The following RIC3 variants were observed in gnomAD, a reference collection of about 807,000 sequenced individuals.
RIC3 encodes RIC3 acetylcholine receptor chaperone.
RIC3 carries 28 observed loss-of-function variants against 27.3 expected under a neutral mutation model. That is an observed-to-expected ratio of 1.02 (90% CI 0.76 to 1.41). The LOEUF is 1.41. Among genes scored for constraint, RIC3 ranks in the 40% most tolerant of loss-of-function variants. The pLI, the probability that RIC3 is intolerant of heterozygous loss-of-function variation, is 0.00. For missense variants in RIC3, 501 were observed against 444.7 expected, an observed-to-expected ratio of 1.13 and a Z score of -1.14; for synonymous variants, 184 against 160.4, an observed-to-expected ratio of 1.15 and a Z score of -1.11.
intron 1 of RIC3, among the ~76,000 whole-genome samples, chr11:8,164,351 A>C (rs1450595651): frequency 6.6e-6 from 1 of 152,240 alleles, no homozygotes; most frequent in Non-Finnish European, 1.5e-5. Flanking sequence ...AGAAAATGTA[A>C]AACTTTTCTT....
chr11:8,094,995 T>C, the RIC3 span, among the ~76,000 whole-genome samples: 1 of 152,220 alleles, frequency 6.6e-6, no homozygotes, highest in South Asian at 2.1e-4. Flanking sequence ...AGATGCTCCA[T>C]TTGGGAAGGC....
At chr11:8,104,443 CGTCTGTGT>C (rs1295159305), downstream of RIC3, 2 of 152,118 alleles carry the variant, frequency 1.3e-5, no homozygotes, top group Non-Finnish European at 1.5e-5. Flanking sequence ...TGTGTCTGTG[CGTCTGTGT>C]GTTTATTTGG....
At chr11:8,100,667 C>T in the RIC3 span, 2,708 of 1,557,280 alleles carry the variant, frequency 1.7e-3, 6 homozygotes, top group Non-Finnish European at 2.2e-3. Flanking sequence ...CTTCTAAGGG[C>T]AGAACTCCAG....
chr11:8,166,662 G>A (rs1282873597), intron 1 of RIC3, among the ~76,000 whole-genome samples: 1 of 152,152 alleles, frequency 6.6e-6, no homozygotes, highest in East Asian at 1.9e-4. Context: ...TTGAACCCAC[G>A]AGTTCGACAC....
the RIC3 span, among the ~76,000 whole-genome samples, chr11:8,093,343 G>C: frequency 6.6e-6 from 1 of 152,152 alleles, no homozygotes; most frequent in Non-Finnish European, 1.5e-5. Context: ...TGGTGTGGCT[G>C]CAACTCTTGG....
chr11:8,118,870 CAA>C (rs71059152), intron 5 of RIC3, among the ~76,000 whole-genome samples: 1 of 137,032 alleles, frequency 7.3e-6, no homozygotes, highest in Admixed American at 7.3e-5. Context: ...GACTCCATCT[CAA>C]AAAAAAAAAA....
At chr11:8,155,522 G>A (rs1950590124) in intron 1 of RIC3, among the ~76,000 whole-genome samples, 1 of 152,138 alleles carries the variant, frequency 6.6e-6, no homozygotes, top group South Asian at 2.1e-4. Flanking sequence ...GTTGCAGTGA[G>A]CCAAAATCGC....
the RIC3 span, among the ~76,000 whole-genome samples, chr11:8,095,005 C>T: frequency 6.6e-6 from 1 of 152,190 alleles, no homozygotes; most frequent in African/African-American, 2.4e-5. Context: ...TTTGGGAAGG[C>T]GAGTGTATGC....
At chr11:8,134,616 T>C (rs906312679) in intron 4 of RIC3, among the ~76,000 whole-genome samples, 1 of 152,176 alleles carries the variant, frequency 6.6e-6, no homozygotes. Flanking sequence ...CCATCAACAG[T>C]GTAAAAGTGT....
chr11:8,139,199 A>C (rs1487153520), intron 2 of RIC3: 1 of 152,356 alleles, frequency 6.6e-6, no homozygotes, highest in African/African-American at 2.4e-5. Flanking sequence ...GTGGCACCCT[A>C]TGGGCATTCT....
chr11:8,112,101 T>C (rs558830856), intron 5 of RIC3, among the ~76,000 whole-genome samples: 1 of 152,206 alleles, frequency 6.6e-6, no homozygotes, highest in African/African-American at 2.4e-5. Flanking sequence ...GTGGAGACAT[T>C]TCTACATTTA....
intron 1 of RIC3, among the ~76,000 whole-genome samples, chr11:8,164,893 A>C (rs1951542474): frequency 6.6e-6 from 1 of 152,196 alleles, no homozygotes; most frequent in South Asian, 2.1e-4. Context: ...ACAAAGAGTG[A>C]ATAAACACAC....
At chr11:8,141,027 G>A (rs925213443) in intron 1 of RIC3, among the ~76,000 whole-genome samples, 3 of 149,032 alleles carry the variant, frequency 2.0e-5, no homozygotes, top group African/African-American at 7.5e-5. Context: ...AGCTCCTGAA[G>A]GAAGCGCTAA....
chr11:8,135,550 T>C (rs1268662303), intron 4 of RIC3: 2 of 152,232 alleles, frequency 1.3e-5, no homozygotes, highest in African/African-American at 4.8e-5. Flanking sequence ...GGGGATGGCG[T>C]TGAATCTATA....
At chr11:8,150,457 C>A (rs1184736847) in intron 1 of RIC3, among the ~76,000 whole-genome samples, 1 of 152,084 alleles carries the variant, frequency 6.6e-6, no homozygotes, top group East Asian at 1.9e-4. Context: ...TAGGGAACAA[C>A]TGAATATACA....
rs4758299 is a variant in RIC3 at position 8,161,268 on chromosome 11, C to A, written c.124+7598G>T. On this transcript the variant is annotated intron_variant, in intron 1 of 5. Coordinates refer to ENST00000309737, the MANE Select transcript of RIC3 (RefSeq NM_001206671.4). ...ACAAAAGGAAAGGCAGTTTCTTGCA[C>A]GACTCAGCTTTCAGCTTAATTTTTT... Among the ~76,000 whole-genome samples the A allele has an allele frequency of 2.6e-3, 401 of 152,204 alleles. 3 individuals are homozygous for A. The highest frequency in any genetic ancestry group is 9.4e-3 in the African/African-American group (389 of 41,518).
chr11:8,153,634 CTTTA>C (rs1014116943), intron 1 of RIC3, among the ~76,000 whole-genome samples: 15 of 152,066 alleles, frequency 9.9e-5, no homozygotes, highest in African/African-American at 3.4e-4. Context: ...CCTGTTCTTT[CTTTA>C]TACTTTCCTT....
At chr11:8,166,722 AT>A (rs1482298004) in intron 1 of RIC3, among the ~76,000 whole-genome samples, 2 of 151,956 alleles carry the variant, frequency 1.3e-5, no homozygotes, top group Non-Finnish European at 2.9e-5. Flanking sequence ...AACAAAAAAA[AT>A]TTTTTTTAAT....
intron 4 of RIC3, among the ~76,000 whole-genome samples, chr11:8,133,203 T>C (rs751118911): frequency 1.3e-5 from 2 of 152,154 alleles, no homozygotes; most frequent in Non-Finnish European, 2.9e-5. Context: ...TTCCACCATA[T>C]GATGATGCAG....
Sources: allele counts gnomAD v4.1 joint callset (sites outside exome capture counted in the v4.1 genomes callset), GRCh38; gene constraint gnomAD v4.1.1; transcripts MANE v1.5; gene names NCBI Gene and HGNC (gene_info 2026-07-23, HGNC 2026-07-21).